Variants in DCUN1D1 observed in about 807,000 individuals in gnomAD.
The protein encoded by DCUN1D1 is defective in cullin neddylation 1 domain containing 1, also known as DCN1-like protein 1.
DCUN1D1 carries 3 observed loss-of-function variants against 39.0 expected under a neutral mutation model. The ratio of observed to expected loss-of-function variants is 0.08; its 90% confidence interval spans 0.04 to 0.20. The LOEUF is 0.20. Ranked by LOEUF, DCUN1D1 falls within the 10% of genes least tolerant of loss-of-function variation. DCUN1D1 has a pLI of 1.00. For missense variants in DCUN1D1, 158 were observed against 302.4 expected, an observed-to-expected ratio of 0.52 and a Z score of 3.54; for synonymous variants, 82 against 96.3, an observed-to-expected ratio of 0.85 and a Z score of 0.87.
intron 1 of DCUN1D1, among the ~76,000 whole-genome samples, chr3:182,975,175 A>T (rs1030593023): frequency 7.2e-6 from 1 of 138,674 alleles, no homozygotes; most frequent in East Asian, 2.1e-4. Context: ...TTAACACAGA[A>T]TTTTTTTTTT....
chr3:182,975,995 C>T (rs553378667), intron 1 of DCUN1D1, among the ~76,000 whole-genome samples: 2 of 152,122 alleles, frequency 1.3e-5, no homozygotes, highest in East Asian at 3.9e-4. Flanking sequence ...CCCAAAGGCC[C>T]AGTTTTCTGC....
chr3:182,969,425 T>C (rs1468125978), intron 1 of DCUN1D1, among the ~76,000 whole-genome samples: 9 of 152,202 alleles, frequency 5.9e-5, no homozygotes, highest in African/African-American at 1.7e-4. Flanking sequence ...AGAGGGTGGA[T>C]AGAAAATTGA....
rs1284519774 is a variant in DCUN1D1, at chr3:182,938,448, G to A, written c.*6646C>T. On this transcript the variant is annotated 3_prime_UTR_variant, in exon 7 of 7. Transcript: ENST00000292782. ...AACAGTTAAGTCTAACAACAGAATT[G>A]TGGTTTTATTTAACAGTCCTTATCT... 1 of 151,490 alleles carries A rather than the reference G, an allele frequency of 6.6e-6. No homozygotes were observed. The highest frequency in any genetic ancestry group is 2.4e-5 in the African/African-American group (1 of 41,284). The allele number at this position is 151,490 out of a possible 1,614,324, so 9.4% of individuals were successfully genotyped here. A position where few individuals can be genotyped will look rare whatever the true frequency, so the allele number is the denominator to read the frequency against.
chr3:182,953,259 A>C (rs548330374), intron 4 of DCUN1D1, among the ~76,000 whole-genome samples: 1 of 152,336 alleles, frequency 6.6e-6, no homozygotes, highest in East Asian at 1.9e-4. Flanking sequence ...TTTGAATAAA[A>C]AAGGAAGACT....
intron 1 of DCUN1D1, chr3:182,980,178 C>A: frequency 5.3e-6 from 3 of 562,424 alleles, no homozygotes; most frequent in Non-Finnish European, 6.8e-6. Context: ...AACGCCTCCC[C>A]CACCCGCGCC....
intron 2 of DCUN1D1, among the ~76,000 whole-genome samples, 193 bp downstream of exon 2, chr3:182,965,344 A>G (rs887029549): frequency 1.3e-5 from 2 of 152,212 alleles, no homozygotes; most frequent in African/African-American, 4.8e-5. Context: ...AGGAAAATAA[A>G]GAGGCCAAGA....
upstream of DCUN1D1, chr3:182,980,654 G>GGGACGGAGGC (rs1728502144): frequency 5.4e-6 from 5 of 927,952 alleles, no homozygotes; most frequent in Non-Finnish European, 6.5e-6. Context: ...GGGAGGCGGA[G>GGGACGGAGGC]GGACGGAGGC....
At chr3:182,964,598 CAT>C (rs1304470826) in intron 2 of DCUN1D1, among the ~76,000 whole-genome samples, 1 of 149,344 alleles carries the variant, frequency 6.7e-6, no homozygotes, top group African/African-American at 2.5e-5. Flanking sequence ...AAGAGGCACT[CAT>C]AGACTGCTAT....
chr3:182,961,736 G>A (rs1727408541), intron 3 of DCUN1D1, among the ~76,000 whole-genome samples: 3 of 152,234 alleles, frequency 2.0e-5, no homozygotes, highest in South Asian at 4.1e-4. Flanking sequence ...AATTAATCGC[G>A]TCTACTATCT....
intron 6 of DCUN1D1, 104 bp from the exon 7 acceptor site, chr3:182,945,277 AAAGTAT>A: frequency 1.2e-6 from 1 of 864,320 alleles, no homozygotes; most frequent in Non-Finnish European, 1.8e-6. Context: ...CATAAGCGTT[AAAGTAT>A]ATCATTCTTA....
chr3:182,955,969 C>T lies in DCUN1D1; in HGVS notation c.520+5257G>A, dbSNP rs543344182. 8 of 153,982 alleles carry T rather than the reference C, an allele frequency of 5.2e-5. 1 individual carries two copies. The East Asian group carries it at 1.5e-3, about 29-fold the overall frequency. The allele number at this position is 153,982 out of a possible 1,614,324, so 9.5% of individuals were successfully genotyped here. On this transcript the variant is annotated intron_variant, in intron 4 of 6. Coordinates refer to ENST00000292782, the MANE Select transcript of DCUN1D1 (RefSeq NM_020640.4). ...TTTGAGGCAGAGTCTTGCTCTGTCG[C>T]CCAGGCTGGAGTACAGTGGCACAAT...
chr3:182,949,011 C>T (rs1005289592), intron 4 of DCUN1D1, among the ~76,000 whole-genome samples: 10 of 150,152 alleles, frequency 6.7e-5, no homozygotes, highest in African/African-American at 9.8e-5. Context: ...TCACACCACT[C>T]CACTCCAGTC....
At chr3:182,965,850 C>A in intron 1 of DCUN1D1, 97 bp from the exon 2 acceptor site, 1 of 751,784 alleles carries the variant, frequency 1.3e-6, no homozygotes, top group South Asian at 1.9e-5. Context: ...AATACTTTTT[C>A]CTCACAAAAC....
At chr3:182,950,861 G>A (rs896006321) in intron 4 of DCUN1D1, 1 of 151,362 alleles carries the variant, frequency 6.6e-6, no homozygotes, top group Non-Finnish European at 1.5e-5. Flanking sequence ...AAAAAAATTG[G>A]CCGGCACGAT....
chr3:182,958,124 G>A (rs1294590377), intron 4 of DCUN1D1, among the ~76,000 whole-genome samples: 1 of 151,370 alleles, frequency 6.6e-6, no homozygotes, highest in Admixed American at 6.6e-5. Flanking sequence ...AGAGCACTGT[G>A]AACCCTTAGA....
intron 4 of DCUN1D1, among the ~76,000 whole-genome samples, chr3:182,957,320 T>G (rs994074798): frequency 3.3e-5 from 5 of 152,170 alleles, no homozygotes; most frequent in African/African-American, 1.2e-4. Context: ...AATTTTAAGA[T>G]TCAGGCAATT....
At chr3:182,959,002 T>A in intron 4 of DCUN1D1, among the ~76,000 whole-genome samples, 1 of 152,294 alleles carries the variant, frequency 6.6e-6, no homozygotes, top group East Asian at 1.9e-4. Context: ...ATCAAAATAT[T>A]GTACTACACT....
chr3:182,947,134 G>C (rs958375701), intron 6 of DCUN1D1, 104 bp downstream of exon 6: 1 of 616,932 alleles, frequency 1.6e-6, no homozygotes, highest in Non-Finnish European at 2.8e-6. Flanking sequence ...AAGCTCAGCG[G>C]AGGGAATTCC....
intron 1 of DCUN1D1, 151 bp downstream of exon 1, chr3:182,980,336 C>A (rs1406287075): frequency 4.1e-6 from 2 of 490,810 alleles, no homozygotes; most frequent in Non-Finnish European, 5.3e-6. Flanking sequence ...GAGAGGCAGG[C>A]AGGAGAGCCC....
Sources: allele counts gnomAD v4.1 joint callset (sites outside exome capture counted in the v4.1 genomes callset), GRCh38; gene constraint gnomAD v4.1.1; transcripts MANE v1.5; gene names NCBI Gene and HGNC (gene_info 2026-07-23, HGNC 2026-07-21).